PRKG1: variants seen among roughly 807,000 people sequenced by gnomAD.
PRKG1 encodes the protein cGMP-dependent protein kinase 1.
Under a neutral mutation model 88.1 loss-of-function variants are expected in PRKG1, and 35 were observed. The observed-to-expected ratio is 0.40, with a 90% CI of 0.30 to 0.53. The LOEUF is 0.53. PRKG1 is among the 20% of genes least tolerant of loss of function. The pLI is 0.59. For synonymous variants in PRKG1, 303 were observed against 292.5 expected, an observed-to-expected ratio of 1.04 and a Z score of -0.37; for missense variants, 540 against 839.8, an observed-to-expected ratio of 0.64 and a Z score of 4.41.
intron 1 of PRKG1, among the ~76,000 whole-genome samples, chr10:51,088,458 C>G (rs1240941430): frequency 6.8e-6 from 1 of 146,738 alleles, no homozygotes; most frequent in Non-Finnish European, 1.5e-5. Flanking sequence ...TAGGGTAAGA[C>G]TATAGTATAT....
intron 2 of PRKG1, among the ~76,000 whole-genome samples, chr10:51,308,181 G>A (rs150632152): frequency 7.2e-5 from 11 of 151,968 alleles, no homozygotes; most frequent in East Asian, 3.9e-4. Flanking sequence ...CCATTTTTTC[G>A]CTTTATTACA....
At chr10:51,222,698 G>A (rs867112179) in intron 2 of PRKG1, among the ~76,000 whole-genome samples, 3 of 151,982 alleles carry the variant, frequency 2.0e-5, no homozygotes, top group African/African-American at 4.8e-5. Flanking sequence ...ATAGCACAGG[G>A]GTAGTTTATA....
At chr10:52,128,879 G>T (rs893792271) in intron 7 of PRKG1, among the ~76,000 whole-genome samples, 6 of 152,172 alleles carry the variant, frequency 3.9e-5, no homozygotes, top group African/African-American at 1.4e-4. Flanking sequence ...GGACTGTTAT[G>T]TGGCTAGATA....
chr10:52,048,476 T>C (rs1845913063), intron 5 of PRKG1, among the ~76,000 whole-genome samples: 1 of 152,146 alleles, frequency 6.6e-6, no homozygotes, highest in African/African-American at 2.4e-5. Flanking sequence ...GACTGTGATC[T>C]AACAAAAGAA....
In PRKG1 at chr10:51,598,537, C is replaced by T. The variant is rs115679679; in HGVS notation, c.592+130701C>T. Among the ~76,000 whole-genome samples the T allele has an allele frequency of 6.8e-3, 1,039 of 152,270 alleles. 13 individuals carry two copies. The highest frequency in any genetic ancestry group is 0.024 in the African/African-American group (981 of 41,576). ...CCTCCTAGAGTGCTGGAATTATAGG[C>T]GTCAGCCACCGTGCCTAGCCTGCCC... On this transcript the variant is annotated intron_variant, in intron 3 of 17. Transcript: ENST00000373980.
At chr10:51,273,770 T>A (rs1197470450) in intron 2 of PRKG1, among the ~76,000 whole-genome samples, 1 of 152,218 alleles carries the variant, frequency 6.6e-6, no homozygotes, top group Non-Finnish European at 1.5e-5. Flanking sequence ...AACTTCCTCA[T>A]CAGATGAATC....
At chr10:51,473,271 AACAAATGTACAT>A (rs1365372291) in intron 3 of PRKG1, among the ~76,000 whole-genome samples, 1 of 151,964 alleles carries the variant, frequency 6.6e-6, no homozygotes, top group Non-Finnish European at 1.5e-5. Flanking sequence ...GACTAACATG[AACAAATGTACAT>A]ACAAAAGCCA....
intron 3 of PRKG1, among the ~76,000 whole-genome samples, chr10:51,614,962 T>A (rs887843070): frequency 6.7e-6 from 1 of 149,056 alleles, no homozygotes; most frequent in Non-Finnish European, 1.5e-5. Context: ...TTTGAATATA[T>A]CCATCTTTGA....
chr10:51,887,232 G>C (rs923377949), intron 4 of PRKG1, among the ~76,000 whole-genome samples: 2 of 152,154 alleles, frequency 1.3e-5, no homozygotes, highest in East Asian at 3.9e-4. Flanking sequence ...TGATCTCCCT[G>C]TCTCAGCCTC....
chr10:51,177,621 A>G (rs889092545), intron 2 of PRKG1, among the ~76,000 whole-genome samples: 4 of 152,178 alleles, frequency 2.6e-5, no homozygotes, highest in African/African-American at 9.7e-5. Flanking sequence ...TAACATGTCC[A>G]ACCAAATAAT....
In PRKG1 at chr10:51,846,187, G is replaced by A. The variant is rs533569258; in HGVS notation, c.698+41497G>A. Among the ~76,000 whole-genome samples, 34 of 152,282 alleles carry A rather than the reference G, an allele frequency of 2.2e-4. 1 individual carries two copies. The South Asian group carries it at 7.0e-3, about 32-fold the overall frequency. On this transcript the variant is annotated intron_variant, in intron 4 of 17. Transcript: ENST00000373980. Reference sequence around the variant, plus strand: ...CATAGAAACAACCATACCTTCTCATGTAGGTTGTGGTTCTCCATCCCTTCG... The same window carrying A: ...CATAGAAACAACCATACCTTCTCATATAGGTTGTGGTTCTCCATCCCTTCG...
At chr10:51,563,725 A>G (rs1380149794) in intron 3 of PRKG1, among the ~76,000 whole-genome samples, 2 of 152,180 alleles carry the variant, frequency 1.3e-5, no homozygotes, top group African/African-American at 4.8e-5. Context: ...ATTTTTTTCC[A>G]AATAATATTT....
chr10:51,149,296 A>T (rs1197523418), intron 1 of PRKG1, among the ~76,000 whole-genome samples: 1 of 152,162 alleles, frequency 6.6e-6, no homozygotes, highest in Non-Finnish European at 1.5e-5. Flanking sequence ...TATGGTAACC[A>T]TAATGTAGAA....
intron 2 of PRKG1, among the ~76,000 whole-genome samples, chr10:51,174,977 C>G (rs1457838737): frequency 6.6e-6 from 1 of 151,876 alleles, no homozygotes; most frequent in African/African-American, 2.4e-5. Flanking sequence ...TTTATTTATA[C>G]GTTGTGAGTA....
chr10:51,540,624 T>A (rs770656753), intron 3 of PRKG1, among the ~76,000 whole-genome samples: 59 of 152,244 alleles, frequency 3.9e-4, no homozygotes, highest in Admixed American at 1.1e-3. Context: ...ATTTAGAATA[T>A]TTGAGCTTTT....
chr10:51,004,488 AAAAAC>A (rs1277186759), intron 1 of PRKG1, among the ~76,000 whole-genome samples: 1 of 152,160 alleles, frequency 6.6e-6, no homozygotes, highest in African/African-American at 2.4e-5. Context: ...AACAAAAACA[AAAAAC>A]AAAACAAAAA....
At chr10:51,919,638 A>G (rs1589421669) in intron 5 of PRKG1, among the ~76,000 whole-genome samples, 2 of 151,372 alleles carry the variant, frequency 1.3e-5, no homozygotes, top group African/African-American at 4.8e-5. Context: ...TTCCTCTTCC[A>G]AAAATGTTCT....
chr10:52,074,562 A>G (rs1014602065), intron 7 of PRKG1, among the ~76,000 whole-genome samples: 2 of 152,216 alleles, frequency 1.3e-5, no homozygotes. Context: ...AAATGGACAT[A>G]AAAATGTTTC....
At chr10:51,106,233 A>C (rs573668641) in intron 1 of PRKG1, among the ~76,000 whole-genome samples, 2 of 152,358 alleles carry the variant, frequency 1.3e-5, no homozygotes, top group South Asian at 2.1e-4. Context: ...TATTGCCATC[A>C]AATTAGCAAA....
Sources: gnomAD v4.1 joint callset for allele counts (sites outside exome capture counted in the v4.1 genomes callset) on GRCh38, gnomAD v4.1.1 for gene constraint, MANE v1.5 for transcripts, NCBI Gene and HGNC (gene_info 2026-07-23, HGNC 2026-07-21) for gene names.